The following ZBTB20 variants were observed in gnomAD, a reference collection of about 807,000 sequenced individuals.
ZBTB20 encodes zinc finger and BTB domain-containing protein 20.
ZBTB20 carries 9 observed loss-of-function variants against 56.9 expected under a neutral mutation model. The ratio of observed to expected loss-of-function variants is 0.16; its 90% CI spans 0.10 to 0.28. ZBTB20 has a LOEUF of 0.28. Among genes scored for constraint, ZBTB20 ranks in the 10% least tolerant of loss-of-function variants. ZBTB20 has a pLI of 1.00. For missense variants in ZBTB20, 655 were observed against 1,003.0 expected, an observed-to-expected ratio of 0.65 and a Z score of 4.69; for synonymous variants, 417 against 420.7, an observed-to-expected ratio of 0.99 and a Z score of 0.11.
intron 7 of ZBTB20, among the ~76,000 whole-genome samples, chr3:114,413,553 A>G (rs2088204990): frequency 6.6e-6 from 1 of 152,124 alleles, no homozygotes. Context: ...GTGATCAGAA[A>G]ATGAATGCTG....
intron 2 of ZBTB20, among the ~76,000 whole-genome samples, chr3:115,030,694 C>A (rs1223605452): frequency 1.3e-5 from 2 of 151,150 alleles, no homozygotes; most frequent in Admixed American, 1.3e-4. Flanking sequence ...TCACGTTAAA[C>A]CAGAAGCTTC....
At chr3:114,693,944 C>T (rs192445743) in intron 5 of ZBTB20, among the ~76,000 whole-genome samples, 27 of 152,220 alleles carry the variant, frequency 1.8e-4, no homozygotes, top group Admixed American at 5.2e-4. Flanking sequence ...GGATTTGCAG[C>T]TCCATTTGAG....
At chr3:114,605,802 T>C (rs1367169843) in intron 6 of ZBTB20, among the ~76,000 whole-genome samples, 2 of 151,580 alleles carry the variant, frequency 1.3e-5, no homozygotes, top group Non-Finnish European at 2.9e-5. Context: ...TTTGAGAGGA[T>C]AGAAAGGGAT....
At position 114,741,090 on chromosome 3, in the gene ZBTB20, G is replaced by A. The variant is rs538118706; in HGVS notation, c.-342-47515C>T. The stretch of plus-strand genomic sequence containing the variant: ...CCCTATTTCCTACGGTTACCACCAT[G>A]GAACATGTTAAAATCTCAGTAGGGA... On this transcript the variant is annotated intron_variant, in intron 5 of 11. Coordinates refer to ENST00000675478, the MANE Select transcript of ZBTB20 (RefSeq NM_001348800.3). Among the ~76,000 whole-genome samples the A allele has an allele frequency of 2.3e-4, 35 of 152,272 alleles. No homozygotes were observed. In the South Asian group the frequency reaches 3.7e-3, roughly 16 times the overall value.
chr3:114,960,834 A>G (rs2077422423), intron 3 of ZBTB20, among the ~76,000 whole-genome samples: 1 of 152,206 alleles, frequency 6.6e-6, no homozygotes, highest in African/African-American at 2.4e-5. Context: ...GGATATCAGA[A>G]AAAAATGCCT....
At chr3:114,915,023 C>G (rs1403192033) in intron 3 of ZBTB20, among the ~76,000 whole-genome samples, 1 of 149,614 alleles carries the variant, frequency 6.7e-6, no homozygotes, top group African/African-American at 2.5e-5. Context: ...CTGTGGTTTT[C>G]TTTGTTTTCT....
chr3:114,766,702 G>A (rs754780562), intron 5 of ZBTB20, among the ~76,000 whole-genome samples: 16 of 151,918 alleles, frequency 1.1e-4, no homozygotes, highest in Non-Finnish European at 2.2e-4. Flanking sequence ...CCTACTAATT[G>A]TTCTTAACAT....
intron 2 of ZBTB20, among the ~76,000 whole-genome samples, chr3:114,985,691 G>A (rs754928924): frequency 1.2e-4 from 19 of 152,004 alleles, no homozygotes; most frequent in African/African-American, 1.7e-4. Context: ...AAGATTCGGG[G>A]TGAGACCAAA....
intron 6 of ZBTB20, among the ~76,000 whole-genome samples, chr3:114,651,748 A>G (rs1323344004): frequency 6.6e-6 from 1 of 152,038 alleles, no homozygotes. Context: ...AAAAGTGAAC[A>G]CGAGCAGTGA....
intron 1 of ZBTB20, among the ~76,000 whole-genome samples, chr3:115,079,379 C>CTTATTTAT (rs150432470): frequency 0.018 from 2,653 of 149,534 alleles, 39 homozygotes; most frequent in African/African-American, 0.032. Context: ...TCAAGTCTTT[C>CTTATTTAT]TTATTTATTT....
chr3:114,339,443 A>G lies in ZBTB20; in HGVS notation c.1805-17T>C. 1 of 1,610,220 alleles carries G rather than the reference A, an allele frequency of 6.2e-7. No homozygotes were observed. Among genetic ancestry groups the G allele is most frequent in the East Asian group, 2.2e-5 (1 of 44,802 alleles). Reference sequence around the variant, plus strand: ...GCTTCTCACCTGTTGATGTAGGAAGAGACAGCAAGCAGGACAGAGCGAGAC... The same window carrying G: ...GCTTCTCACCTGTTGATGTAGGAAGGGACAGCAAGCAGGACAGAGCGAGAC... On this transcript the variant is annotated splice_polypyrimidine_tract_variant and intron_variant, in intron 11 of 11. Transcript: ENST00000675478. This position sits in a 1 kb window ranked among gnomAD's most constrained non-coding sequence, Gnocchi z 4.2.
chr3:114,671,821 G>A (rs905342899), intron 6 of ZBTB20, among the ~76,000 whole-genome samples: 2 of 152,062 alleles, frequency 1.3e-5, no homozygotes, highest in Non-Finnish European at 2.9e-5. Flanking sequence ...TTGAGAAAAG[G>A]AAGGGCATGG....
chr3:114,907,418 G>A (rs912104443), intron 3 of ZBTB20, among the ~76,000 whole-genome samples: 5 of 151,732 alleles, frequency 3.3e-5, no homozygotes, highest in South Asian at 2.1e-4. Context: ...TTCTGTGTAC[G>A]TATATGTGTG....
chr3:114,923,264 C>A (rs1427716428), intron 3 of ZBTB20, among the ~76,000 whole-genome samples: 1 of 152,072 alleles, frequency 6.6e-6, no homozygotes, highest in Non-Finnish European at 1.5e-5. Context: ...CACAGATAGC[C>A]ATAGCAATCT....
intron 7 of ZBTB20, among the ~76,000 whole-genome samples, chr3:114,442,217 T>C (rs2090976379): frequency 6.6e-6 from 1 of 152,166 alleles, no homozygotes; most frequent in African/African-American, 2.4e-5. Flanking sequence ...CAGCCTGTTG[T>C]GGACTCAGGA....
intron 5 of ZBTB20, among the ~76,000 whole-genome samples, chr3:114,712,516 G>A (rs1432681981): frequency 6.6e-6 from 1 of 151,980 alleles, no homozygotes; most frequent in Non-Finnish European, 1.5e-5. Flanking sequence ...AGCCGGGTGT[G>A]GTGGCGCATG....
At chr3:114,769,552 C>CATATATATATATAT (rs6148023) in intron 5 of ZBTB20, among the ~76,000 whole-genome samples, 6 of 116,774 alleles carry the variant, frequency 5.1e-5, no homozygotes, top group African/African-American at 1.3e-4. Context: ...TGCCAAAATG[C>CATATATATATATAT]ATATATATAT....
At chr3:114,711,084 C>A (rs924973357) in intron 5 of ZBTB20, among the ~76,000 whole-genome samples, 1 of 152,148 alleles carries the variant, frequency 6.6e-6, no homozygotes, top group Non-Finnish European at 1.5e-5. Context: ...CTCGGTGAGA[C>A]CTTTCCTACT....
chr3:114,723,747 A>G (rs767844450), intron 5 of ZBTB20, among the ~76,000 whole-genome samples: 1 of 152,240 alleles, frequency 6.6e-6, no homozygotes, highest in Non-Finnish European at 1.5e-5. Context: ...ATATTTATTA[A>G]AACAAGCCAT....
Sources: allele counts gnomAD v4.1 joint callset (sites outside exome capture counted in the v4.1 genomes callset), GRCh38; gene constraint gnomAD v4.1.1; non-coding constraint Gnocchi (gnomAD v3.1); transcripts MANE v1.5; gene names NCBI Gene and HGNC (gene_info 2026-07-23, HGNC 2026-07-21).